Variants in FANCC observed in about 807,000 individuals in gnomAD.
The protein encoded by FANCC is Fanconi anemia group C protein.
In FANCC, 55 loss-of-function variants were observed where a neutral mutation model predicts 71.3. The observed-to-expected ratio is 0.77, with a 90% confidence interval of 0.62 to 0.97. FANCC has a LOEUF of 0.97. Among genes scored for constraint, FANCC ranks in the 50% least tolerant of loss-of-function variants. FANCC has a pLI of 0.00. For missense variants in FANCC, 678 were observed against 670.9 expected (o/e 1.01, Z -0.12); for synonymous variants, 275 against 244.9 (o/e 1.12, Z -1.15).
intron 1 of FANCC, among the ~76,000 whole-genome samples, chr9:95,263,478 ATG>A (rs144646115): frequency 2.4e-4 from 36 of 147,994 alleles, no homozygotes; most frequent in African/African-American, 8.4e-4. Context: ...TTATATATAT[ATG>A]TGTGTGTGTG....
intron 3 of FANCC, among the ~76,000 whole-genome samples, chr9:95,242,962 A>G (rs1041659597): frequency 3.3e-5 from 5 of 152,224 alleles, no homozygotes; most frequent in Non-Finnish European, 5.9e-5. Flanking sequence ...AGCCCATCTT[A>G]GTGTAAATTT....
chr9:95,170,732 G>GC (rs956015894), intron 6 of FANCC, among the ~76,000 whole-genome samples: 3 of 150,326 alleles, frequency 2.0e-5, no homozygotes, highest in East Asian at 2.0e-4. Flanking sequence ...GCATACACTT[G>GC]CATCTGTGCA....
At chr9:95,241,360 T>C (rs1830616473) in intron 3 of FANCC, among the ~76,000 whole-genome samples, 1 of 152,210 alleles carries the variant, frequency 6.6e-6, no homozygotes, top group African/African-American at 2.4e-5. Context: ...AAAATGTAAA[T>C]CTTTATAAAA....
At chr9:95,238,226 C>A (rs1455784149) in intron 4 of FANCC, among the ~76,000 whole-genome samples, 1 of 152,188 alleles carries the variant, frequency 6.6e-6, no homozygotes, top group African/African-American at 2.4e-5. Context: ...TCACCTAAGG[C>A]TTCCACTATT....
intron 4 of FANCC, among the ~76,000 whole-genome samples, chr9:95,219,699 T>A (rs1829111233): frequency 6.6e-6 from 1 of 152,196 alleles, no homozygotes; most frequent in African/African-American, 2.4e-5. Flanking sequence ...CCCTTACACC[T>A]TATACAAAAA....
At chr9:95,179,905 TA>T (rs1240993515) in intron 4 of FANCC, among the ~76,000 whole-genome samples, 6 of 152,300 alleles carry the variant, frequency 3.9e-5, no homozygotes, top group African/African-American at 1.4e-4. Context: ...AACACTTGTC[TA>T]AAAAGACAAA....
chr9:95,107,808 ATTTG>A (rs2071576762), intron 13 of FANCC, among the ~76,000 whole-genome samples: 1 of 152,142 alleles, frequency 6.6e-6, no homozygotes, highest in Non-Finnish European at 1.5e-5. Flanking sequence ...ACAAGAACAC[ATTTG>A]TTTTAGATGC....
intron 6 of FANCC, among the ~76,000 whole-genome samples, chr9:95,151,465 A>C (rs898446104): frequency 6.6e-6 from 1 of 152,194 alleles, no homozygotes; most frequent in Non-Finnish European, 1.5e-5. Context: ...GCTGTTCCTC[A>C]TTCTTAAAAA....
intron 7 of FANCC, among the ~76,000 whole-genome samples, chr9:95,136,492 A>T (rs1011217015): frequency 7.0e-5 from 10 of 142,762 alleles, no homozygotes; most frequent in Non-Finnish European, 1.2e-4. Context: ...AGATTCCTTT[A>T]AAAAAAAAAA....
intron 1 of FANCC, among the ~76,000 whole-genome samples, chr9:95,309,468 T>TA (rs1835256673): frequency 6.6e-6 from 1 of 152,330 alleles, no homozygotes; most frequent in African/African-American, 2.4e-5. Context: ...TAGGGGTAGA[T>TA]AGGCTAAGTA....
intron 1 of FANCC, chr9:95,294,129 C>A: frequency 4.4e-6 from 7 of 1,608,296 alleles, no homozygotes; most frequent in Non-Finnish European, 6.0e-6. Flanking sequence ...TGGAAAACAT[C>A]TTGTCAAGTA....
chr9:95,283,374 C>T (rs1290546204), intron 1 of FANCC, among the ~76,000 whole-genome samples: 1 of 152,200 alleles, frequency 6.6e-6, no homozygotes, highest in East Asian at 1.9e-4. Context: ...TGCCTAGAGT[C>T]AGCTTGGGTT....
At chr9:95,122,263 T>G (rs2072946054) in intron 10 of FANCC, among the ~76,000 whole-genome samples, 1 of 152,194 alleles carries the variant, frequency 6.6e-6, no homozygotes, top group East Asian at 1.9e-4. Context: ...ATACTCATTT[T>G]ATTAAGAAGG....
At chr9:95,282,904 C>G (rs1172158367) in intron 1 of FANCC, among the ~76,000 whole-genome samples, 1 of 151,972 alleles carries the variant, frequency 6.6e-6, no homozygotes, top group Non-Finnish European at 1.5e-5. Context: ...ACATAACATA[C>G]CAAATCCTAT....
chr9:95,247,373 T>C, intron 3 of FANCC, 59 bp downstream of exon 3: 1 of 1,249,036 alleles, frequency 8.0e-7, no homozygotes, highest in Non-Finnish European at 1.2e-6. Flanking sequence ...TGTAAGCCTC[T>C]GTGAAACAAT....
Position 95,151,942 on chromosome 9 carries a change from A to G in FANCC, c.522-1855T>C, listed in dbSNP as rs112362565. Among the ~76,000 whole-genome samples the G allele has an allele frequency of 3.8e-3, 578 of 151,544 alleles. 3 individuals carry two copies. The highest frequency in any genetic ancestry group is 0.014 in the African/African-American group (559 of 41,302). On this transcript the variant is annotated intron_variant, in intron 6 of 14. Coordinates refer to ENST00000289081, the MANE Select transcript of FANCC (RefSeq NM_000136.3). ...AGACCTGTCTCAAAAAAAAAAAAAC[A>G]AAAAACAAAAAACAAAACAAAAAAA...
chr9:95,229,608 T>C (rs1829861791), intron 4 of FANCC, among the ~76,000 whole-genome samples: 1 of 152,178 alleles, frequency 6.6e-6, no homozygotes, highest in Non-Finnish European at 1.5e-5. Context: ...AATAAAGTTT[T>C]GGGGAAAAGA....
At chr9:95,193,384 G>C (rs1278727314) in intron 4 of FANCC, among the ~76,000 whole-genome samples, 3 of 152,012 alleles carry the variant, frequency 2.0e-5, no homozygotes, top group Non-Finnish European at 4.4e-5. Flanking sequence ...ATGAGATGAG[G>C]GTGGAGACGA....
chr9:95,121,607 T>G (rs948981989), intron 10 of FANCC, among the ~76,000 whole-genome samples: 1 of 152,210 alleles, frequency 6.6e-6, no homozygotes, highest in Non-Finnish European at 1.5e-5. Flanking sequence ...AGCAGGAGGA[T>G]GGCTACACTG....
Sources: gnomAD v4.1 joint callset for allele counts (sites outside exome capture counted in the v4.1 genomes callset) on GRCh38, gnomAD v4.1.1 for gene constraint, MANE v1.5 for transcripts, NCBI Gene and HGNC (gene_info 2026-07-23, HGNC 2026-07-21) for gene names.